The following TMPRSS11F variants were observed in gnomAD, a reference collection of about 807,000 sequenced individuals.
TMPRSS11F encodes transmembrane protease serine 11F.
In TMPRSS11F, 47 loss-of-function variants were observed where a neutral mutation model predicts 60.2. The ratio of observed to expected loss-of-function variants is 0.78; its 90% CI spans 0.62 to 1.00. TMPRSS11F has a LOEUF of 1.00. Ranked by LOEUF, TMPRSS11F falls within the 50% of genes least tolerant of loss-of-function variation. The pLI, the probability that TMPRSS11F is intolerant of heterozygous loss-of-function variation, is 0.00. For missense variants in TMPRSS11F, 519 were observed against 522.9 expected, an observed-to-expected ratio of 0.99 and a Z score of 0.07; for synonymous variants, 166 against 167.3, an observed-to-expected ratio of 0.99 and a Z score of 0.06.
intron 1 of TMPRSS11F, among the ~76,000 whole-genome samples, chr4:68,124,795 TAGAC>T (rs1392626072): frequency 4.6e-5 from 7 of 152,218 alleles, no homozygotes; most frequent in African/African-American, 1.7e-4. Context: ...CAATAGTATC[TAGAC>T]ACACCCTACA....
intron 3 of TMPRSS11F, among the ~76,000 whole-genome samples, chr4:68,078,771 C>T (rs1020109987): frequency 9.2e-5 from 14 of 152,090 alleles, no homozygotes; most frequent in Non-Finnish European, 1.6e-4. Flanking sequence ...TGGGTCATTC[C>T]TCAGGTTTGG....
intron 2 of TMPRSS11F, among the ~76,000 whole-genome samples, 165 bp from the exon 3 acceptor site, chr4:68,090,806 G>A (rs1017575712): frequency 6.6e-6 from 1 of 152,078 alleles, no homozygotes; most frequent in Non-Finnish European, 1.5e-5. Flanking sequence ...TTTCACCACT[G>A]CTGCTGGTTA....
rs1401413328 is a variant in TMPRSS11F, at chr4:68,084,841, G to A, written c.282+5682C>T. On this transcript the variant is annotated intron_variant, in intron 3 of 9. Transcript: ENST00000356291. ...GCTGGTGCGCTGCACCCACTAACTCGTCATCTAGCATTAGGTATATCTCCC... is the reference window on the plus strand; with the variant it reads ...GCTGGTGCGCTGCACCCACTAACTCATCATCTAGCATTAGGTATATCTCCC... Among the ~76,000 whole-genome samples, 5 of 140,516 alleles carry A rather than the reference G, an allele frequency of 3.6e-5. No homozygotes were observed. In the East Asian group the frequency reaches 6.3e-4, roughly 18 times the overall value. The allele number at this position is 140,516 out of a possible 152,430, so 92.2% of individuals were successfully genotyped here. A position where few individuals can be genotyped will look rare whatever the true frequency, so the allele number is the denominator to read the frequency against.
chr4:68,072,230 A>T (rs59550028), intron 5 of TMPRSS11F, 93 bp downstream of exon 5: 54,648 of 88,278 alleles, frequency 0.62, 19,150 homozygotes, highest in East Asian at 0.72. Flanking sequence ...CCAAAAAAAA[A>T]ATATATATAT....
intron 7 of TMPRSS11F, among the ~76,000 whole-genome samples, chr4:68,067,902 G>T (rs112755350): frequency 1.3e-5 from 2 of 152,316 alleles, no homozygotes; most frequent in African/African-American, 4.8e-5. Flanking sequence ...AAAGCTTTCT[G>T]TACCATGATG....
chr4:68,082,859 G>A (rs1723735303), intron 3 of TMPRSS11F, among the ~76,000 whole-genome samples: 1 of 152,164 alleles, frequency 6.6e-6, no homozygotes, highest in Non-Finnish European at 1.5e-5. Context: ...GAAAGAGTGT[G>A]GCCTGTCTGA....
At chr4:68,065,153 C>T (rs1372424944) in intron 7 of TMPRSS11F, among the ~76,000 whole-genome samples, 1 of 151,998 alleles carries the variant, frequency 6.6e-6, no homozygotes, top group Non-Finnish European at 1.5e-5. Flanking sequence ...GATTAATTTC[C>T]AATTTTTAAA....
intron 8 of TMPRSS11F, among the ~76,000 whole-genome samples, chr4:68,060,600 CTT>C (rs998124744): frequency 8.8e-6 from 1 of 113,294 alleles, no homozygotes. Context: ...AAGTATCTCT[CTT>C]TTTTTTTTTC....
chr4:68,107,349 G>T (rs1724323309), intron 1 of TMPRSS11F, among the ~76,000 whole-genome samples: 1 of 152,112 alleles, frequency 6.6e-6, no homozygotes, highest in Non-Finnish European at 1.5e-5. Flanking sequence ...TAAATGTCAG[G>T]TATCAAGTAA....
chr4:68,072,516 CATTT>C (rs763954896), intron 4 of TMPRSS11F, 30 bp from the exon 5 acceptor site: 40 of 1,434,870 alleles, frequency 2.8e-5, no homozygotes, highest in Non-Finnish European at 3.3e-5. Context: ...ATAAAAATGG[CATTT>C]ATCTAATCAT....
At chr4:68,081,012 T>C (rs1723687200) in intron 3 of TMPRSS11F, 1 of 152,228 alleles carries the variant, frequency 6.6e-6, no homozygotes, top group Admixed American at 6.5e-5. Context: ...GTTTTTGTAT[T>C]GCAAATGTTA....
At chr4:68,080,903 C>G (rs1271304168) in intron 3 of TMPRSS11F, 1 of 152,140 alleles carries the variant, frequency 6.6e-6, no homozygotes, top group Non-Finnish European at 1.5e-5. Flanking sequence ...CACACATCCC[C>G]AAGTTTTAGA....
intron 1 of TMPRSS11F, among the ~76,000 whole-genome samples, chr4:68,123,967 T>A (rs1724668546): frequency 6.6e-6 from 1 of 152,172 alleles, no homozygotes; most frequent in South Asian, 2.1e-4. Flanking sequence ...ATGCCTGTAA[T>A]CCTAGCACTC....
intron 8 of TMPRSS11F, among the ~76,000 whole-genome samples, chr4:68,060,819 T>C (rs1053632217): frequency 6.6e-6 from 1 of 151,948 alleles, no homozygotes; most frequent in African/African-American, 2.4e-5. Flanking sequence ...ATACAGAATT[T>C]CACGGTCTTT....
At chr4:68,055,848 A>G (rs1183400219) in intron 9 of TMPRSS11F, among the ~76,000 whole-genome samples, 1 of 152,338 alleles carries the variant, frequency 6.6e-6, no homozygotes, top group South Asian at 2.1e-4. Flanking sequence ...GGAATCATTC[A>G]TCATTATCAA....
chr4:68,086,747 CT>C (rs1461840236), intron 3 of TMPRSS11F, among the ~76,000 whole-genome samples: 1 of 151,054 alleles, frequency 6.6e-6, no homozygotes, highest in Non-Finnish European at 1.5e-5. Flanking sequence ...ATGAACACCC[CT>C]ATGCATGTAA....
chr4:68,098,529 A>C (rs376277612), intron 2 of TMPRSS11F, among the ~76,000 whole-genome samples: 11 of 152,276 alleles, frequency 7.2e-5, no homozygotes, highest in African/African-American at 2.6e-4. Context: ...AACTCTTCTT[A>C]TATCCTGAGC....
chr4:68,116,060 C>T (rs1476107721), intron 1 of TMPRSS11F, among the ~76,000 whole-genome samples: 1 of 151,530 alleles, frequency 6.6e-6, no homozygotes, highest in Non-Finnish European at 1.5e-5. Flanking sequence ...TAAATATCAA[C>T]TCTAGAATTG....
At chr4:68,099,546 C>T (rs1221454548) in intron 1 of TMPRSS11F, among the ~76,000 whole-genome samples, 2 of 152,168 alleles carry the variant, frequency 1.3e-5, no homozygotes, top group Non-Finnish European at 2.9e-5. Flanking sequence ...CATGACCCCA[C>T]TGGTGCATTA....
Sources: gnomAD v4.1 joint callset for allele counts (sites outside exome capture counted in the v4.1 genomes callset) on GRCh38, gnomAD v4.1.1 for gene constraint, MANE v1.5 for transcripts, NCBI Gene and HGNC (gene_info 2026-07-23, HGNC 2026-07-21) for gene names.